Variants in AOPEP observed in about 807,000 individuals in gnomAD.
AOPEP encodes aminopeptidase O.
Under a neutral mutation model 98.1 loss-of-function variants are expected in AOPEP, and 77 were observed. The ratio of observed to expected loss-of-function variants is 0.78; its 90% CI spans 0.65 to 0.95. The LOEUF is 0.95. Among genes scored for constraint, AOPEP ranks in the 40% least tolerant of loss-of-function variants. AOPEP has a pLI of 0.00. For missense variants in AOPEP, 1,024 were observed against 1,024.7 expected (o/e 1.00, Z 0.01); for synonymous variants, 346 against 365.3 (o/e 0.95, Z 0.60).
At chr9:94,953,206 G>A (rs1363734009) in intron 7 of AOPEP, among the ~76,000 whole-genome samples, 1 of 152,194 alleles carries the variant, frequency 6.6e-6, no homozygotes, top group Non-Finnish European at 1.5e-5. Context: ...AACATTGCAT[G>A]GCAGGACAAA....
intron 5 of AOPEP, among the ~76,000 whole-genome samples, chr9:94,828,333 GATTTATTTA>G (rs33971703): frequency 0.86 from 130,476 of 151,978 alleles, 56,162 homozygotes; most frequent in Non-Finnish European, 0.89. Flanking sequence ...TGCTAAGAGT[GATTTATTTA>G]TTATGATTTT....
intron 7 of AOPEP, among the ~76,000 whole-genome samples, chr9:94,938,679 C>G (rs1352294562): frequency 6.6e-6 from 1 of 152,164 alleles, no homozygotes; most frequent in East Asian, 1.9e-4. Flanking sequence ...CAAGGCTAGG[C>G]TAAGTCATGG....
At chr9:94,908,560 T>G (rs72748591) in intron 5 of AOPEP, among the ~76,000 whole-genome samples, 4,976 of 152,256 alleles carry the variant, frequency 0.033, 212 homozygotes, top group African/African-American at 0.096. Context: ...TGACTTTCAT[T>G]CTTTCCTTTA....
intron 15 of AOPEP, among the ~76,000 whole-genome samples, chr9:95,081,176 T>C (rs537292781): frequency 6.6e-6 from 1 of 152,344 alleles, no homozygotes; most frequent in Non-Finnish European, 1.5e-5. Flanking sequence ...AGTCTCGGTC[T>C]GTACCTGCAC....
chr9:94,872,898 C>G (rs1030927792), intron 5 of AOPEP, among the ~76,000 whole-genome samples: 3 of 152,174 alleles, frequency 2.0e-5, no homozygotes, highest in Non-Finnish European at 1.5e-5. Flanking sequence ...AGAGAGCTTT[C>G]TCACTCACAA....
At chr9:94,841,169 ATTT>A (rs67614379) in intron 5 of AOPEP, among the ~76,000 whole-genome samples, 3 of 133,834 alleles carry the variant, frequency 2.2e-5, no homozygotes, top group African/African-American at 2.8e-5. Context: ...GCTCCACACA[ATTT>A]TTTTTTTTTT....
At position 94,805,372 on chromosome 9, in the gene AOPEP, C is replaced by G. The variant is rs78688565; in HGVS notation, c.1364+4370C>G. Reference sequence around the variant, plus strand: ...TCACCACGTTTTCTTCCCCTGGCAGCTGTTGATTGATTCTTTGCAAGGGTT... The same window carrying G: ...TCACCACGTTTTCTTCCCCTGGCAGGTGTTGATTGATTCTTTGCAAGGGTT... On this transcript the variant is annotated intron_variant, in intron 5 of 16. Coordinates refer to ENST00000375315, the MANE Select transcript of AOPEP (RefSeq NM_001193329.3). 5.5e-3 allele frequency among the ~76,000 whole-genome samples: 840 copies of G among 152,240 alleles called. 10 individuals carry two copies. The highest frequency in any genetic ancestry group is 0.019 in the African/African-American group (786 of 41,548).
chr9:94,919,402 C>T (rs780223110), intron 5 of AOPEP, among the ~76,000 whole-genome samples: 4 of 152,090 alleles, frequency 2.6e-5, no homozygotes, highest in East Asian at 1.9e-4. Flanking sequence ...ATGAGGAAAG[C>T]GGAAGATGCT....
the AOPEP span, chr9:95,114,856 C>CTAG: frequency 1.4e-6 from 1 of 721,564 alleles, no homozygotes; most frequent in South Asian, 1.5e-5. Context: ...ATGCTTTTCC[C>CTAG]AGCCAGTACC....
At chr9:94,887,462 A>G (rs2048368642) in intron 5 of AOPEP, among the ~76,000 whole-genome samples, 1 of 152,210 alleles carries the variant, frequency 6.6e-6, no homozygotes, top group Non-Finnish European at 1.5e-5. Context: ...CTGGTATTTT[A>G]TGACCTGGGA....
chr9:95,076,564 T>C (rs935669460), intron 14 of AOPEP, among the ~76,000 whole-genome samples: 2 of 152,350 alleles, frequency 1.3e-5, no homozygotes, highest in Non-Finnish European at 2.9e-5. Flanking sequence ...CAAGATATCC[T>C]ATTAAATAAT....
chr9:95,128,915 T>G, the AOPEP span, among the ~76,000 whole-genome samples: 5 of 152,124 alleles, frequency 3.3e-5, no homozygotes, highest in Admixed American at 6.5e-5. Flanking sequence ...TCTCCTTTTT[T>G]TTTTTTTTGA....
intron 5 of AOPEP, among the ~76,000 whole-genome samples, chr9:94,886,760 T>C (rs952425186): frequency 1.3e-5 from 2 of 152,174 alleles, no homozygotes; most frequent in African/African-American, 4.8e-5. Flanking sequence ...AGCTCATAAG[T>C]CTAAAAATCC....
At chr9:95,106,776 C>T in the AOPEP span, among the ~76,000 whole-genome samples, 10 of 152,296 alleles carry the variant, frequency 6.6e-5, no homozygotes, top group South Asian at 4.1e-4. Flanking sequence ...AAGAAATGTA[C>T]GTAGGGGGAC....
At chr9:94,768,390 T>A (rs1383735726) in intron 2 of AOPEP, among the ~76,000 whole-genome samples, 2 of 152,108 alleles carry the variant, frequency 1.3e-5, no homozygotes, top group African/African-American at 2.4e-5. Context: ...AAAAGACAAA[T>A]GCGTATAGCA....
At chr9:94,969,362 A>G (rs1287830080) in intron 10 of AOPEP, among the ~76,000 whole-genome samples, 1 of 151,772 alleles carries the variant, frequency 6.6e-6, no homozygotes, top group Non-Finnish European at 1.5e-5. Flanking sequence ...ACCCTCTCCT[A>G]ATTTCCTATC....
At chr9:94,740,361 C>T (rs1832787583) in intron 1 of AOPEP, among the ~76,000 whole-genome samples, 1 of 152,096 alleles carries the variant, frequency 6.6e-6, no homozygotes, top group Admixed American at 6.5e-5. Context: ...AAGGCATGCT[C>T]ACAGGCAAGT....
At chr9:95,047,004 G>T (rs1367635137) in intron 13 of AOPEP, among the ~76,000 whole-genome samples, 2 of 152,122 alleles carry the variant, frequency 1.3e-5, no homozygotes, top group East Asian at 3.8e-4. Flanking sequence ...TCAGCTATTT[G>T]TCATATTAAT....
chr9:94,910,787 G>A (rs4744408), intron 5 of AOPEP, among the ~76,000 whole-genome samples: 3,520 of 152,242 alleles, frequency 0.023, 255 homozygotes, highest in East Asian at 0.19. Flanking sequence ...AGGATCTTGG[G>A]GGAGGGGCCA....
Sources: allele counts gnomAD v4.1 joint callset (sites outside exome capture counted in the v4.1 genomes callset), GRCh38; gene constraint gnomAD v4.1.1; transcripts MANE v1.5; gene names NCBI Gene and HGNC (gene_info 2026-07-23, HGNC 2026-07-21).